The following DGKB variants were observed in gnomAD, a reference collection of about 807,000 sequenced individuals.
DGKB encodes diacylglycerol kinase beta, also known as 90 kDa diacylglycerol kinase.
In DGKB, 67 loss-of-function variants were observed where a neutral mutation model predicts 114.3. The ratio of observed to expected loss-of-function variants is 0.59; its 90% CI spans 0.48 to 0.72. DGKB has a LOEUF of 0.72. Ranked by LOEUF, DGKB falls within the 30% of genes least tolerant of loss-of-function variation. DGKB has a pLI of 0.00. For missense variants in DGKB, 907 were observed against 975.2 expected (o/e 0.93, Z 0.93); for synonymous variants, 398 against 323.1 (o/e 1.23, Z -2.49).
intron 21 of DGKB, among the ~76,000 whole-genome samples, chr7:14,347,649 A>T (rs551037822): frequency 4.1e-4 from 63 of 152,016 alleles, no homozygotes; most frequent in Non-Finnish European, 8.1e-4. Flanking sequence ...TGGTCAAAGG[A>T]TGCAAACTTA....
intron 14 of DGKB, among the ~76,000 whole-genome samples, chr7:14,622,024 C>A (rs865822151): frequency 1.3e-5 from 2 of 151,968 alleles, no homozygotes; most frequent in African/African-American, 4.8e-5. Context: ...TAGGAGTTGC[C>A]TGCTCCCTGT....
chr7:14,700,086 G>A (rs1223710685), intron 7 of DGKB, among the ~76,000 whole-genome samples: 1 of 151,828 alleles, frequency 6.6e-6, no homozygotes, highest in Non-Finnish European at 1.5e-5. Flanking sequence ...AAAGTATCTA[G>A]AAGAAATTAA....
chr7:14,973,896 T>C (rs1483888825), intron 1 of DGKB, among the ~76,000 whole-genome samples: 2 of 148,444 alleles, frequency 1.3e-5, no homozygotes, highest in African/African-American at 4.9e-5. Flanking sequence ...TTTATAAATA[T>C]TTAAAATAAA....
chr7:14,905,033 G>A (rs1170379590), upstream of DGKB, among the ~76,000 whole-genome samples: 1 of 151,914 alleles, frequency 6.6e-6, no homozygotes, highest in Admixed American at 6.6e-5. Flanking sequence ...GATCTTTTTG[G>A]TTATTGTTTT....
chr7:14,641,551 A>AT (rs1343858167), intron 13 of DGKB, among the ~76,000 whole-genome samples: 28 of 150,428 alleles, frequency 1.9e-4, no homozygotes, highest in African/African-American at 5.6e-4. Context: ...TTCATGTTTG[A>AT]TTTTTTTGTA....
chr7:14,652,598 T>A (rs1585368407), intron 13 of DGKB, among the ~76,000 whole-genome samples: 1 of 151,386 alleles, frequency 6.6e-6, no homozygotes, highest in South Asian at 2.1e-4. Flanking sequence ...GGGCAAGGAC[T>A]TCCTGTCTAA....
intron 25 of DGKB, among the ~76,000 whole-genome samples, chr7:14,170,134 C>CA (rs762339951): frequency 0.016 from 521 of 33,070 alleles, 32 homozygotes; most frequent in East Asian, 0.11. Flanking sequence ...AACTCCATCT[C>CA]AAAAAAAAAA....
intron 20 of DGKB, among the ~76,000 whole-genome samples, chr7:14,570,385 A>T (rs1798201952): frequency 6.6e-6 from 1 of 151,682 alleles, no homozygotes; most frequent in African/African-American, 2.4e-5. Context: ...GACTTTTTGT[A>T]TTTAAATACA....
intron 20 of DGKB, among the ~76,000 whole-genome samples, chr7:14,567,214 T>A (rs1352559522): frequency 2.8e-5 from 2 of 71,640 alleles, no homozygotes; most frequent in Non-Finnish European, 4.7e-5. Context: ...ATATTATATA[T>A]TTATATATAA....
intron 2 of DGKB, among the ~76,000 whole-genome samples, chr7:14,811,764 A>AAT (rs1843467699): frequency 6.6e-6 from 1 of 151,902 alleles, no homozygotes; most frequent in Non-Finnish European, 1.5e-5. Flanking sequence ...GAGGTAAGTA[A>AAT]ATATATATAT....
chr7:14,806,742 C>G (rs1842833129), intron 2 of DGKB, among the ~76,000 whole-genome samples: 1 of 151,964 alleles, frequency 6.6e-6, no homozygotes. Context: ...AAGCTGCCCT[C>G]CTTTTCCTGA....
At chr7:14,643,080 A>C (rs6947430) in intron 13 of DGKB, among the ~76,000 whole-genome samples, 83,289 of 152,062 alleles carry the variant, frequency 0.55, 24,712 homozygotes, top group Admixed American at 0.69. Flanking sequence ...GGAGCATCTA[A>C]GGGAGAACAC....
chr7:14,624,285 G>A (rs984294551), intron 14 of DGKB, among the ~76,000 whole-genome samples: 5 of 152,068 alleles, frequency 3.3e-5, no homozygotes, highest in African/African-American at 1.2e-4. Flanking sequence ...ATAAAACATG[G>A]CATCAATATT....
intron 2 of DGKB, among the ~76,000 whole-genome samples, chr7:14,800,252 T>C (rs1271723163): frequency 1.3e-5 from 2 of 152,218 alleles, no homozygotes; most frequent in Non-Finnish European, 2.9e-5. Context: ...GTCCTGCTAC[T>C]AGGCCCCAGT....
At chr7:14,872,250 G>T (rs1852581275) in intron 1 of DGKB, among the ~76,000 whole-genome samples, 1 of 152,060 alleles carries the variant, frequency 6.6e-6, no homozygotes, top group South Asian at 2.1e-4. Context: ...AAATAAGAGC[G>T]GCAGAACAGG....
chr7:14,764,419 G>T (rs1038415973), intron 2 of DGKB, among the ~76,000 whole-genome samples: 2 of 151,882 alleles, frequency 1.3e-5, no homozygotes, highest in Non-Finnish European at 2.9e-5. Context: ...TAAAAGTAGT[G>T]AAATAGTGCT....
intron 23 of DGKB, among the ~76,000 whole-genome samples, chr7:14,186,174 A>C (rs113924057): frequency 0.022 from 3,283 of 152,326 alleles, 97 homozygotes; most frequent in African/African-American, 0.068. Flanking sequence ...ATTGGTAAGA[A>C]AAAATCAATC....
rs60627924 is a variant in DGKB at position 14,506,178 on chromosome 7, T to C, written c.1771-27953A>G. 4.1e-3 allele frequency among the ~76,000 whole-genome samples: 623 copies of C among 152,252 alleles called. 3 individuals carry two copies. Among genetic ancestry groups the C allele is most frequent in the African/African-American group, 0.014 (592 of 41,544 alleles). Reference sequence around the variant, plus strand: ...TTCCTGGTAACTCAGAATAAAGATTTTGGCAAAATTTTCTGATTAGAGTAT... The same window carrying C: ...TTCCTGGTAACTCAGAATAAAGATTCTGGCAAAATTTTCTGATTAGAGTAT... On this transcript the variant is annotated intron_variant, in intron 20 of 25. Coordinates refer to ENST00000402815, the MANE Select transcript of DGKB (RefSeq NM_001350709.2).
intron 1 of DGKB, among the ~76,000 whole-genome samples, chr7:14,920,736 A>C (rs938072782): frequency 2.6e-5 from 4 of 152,198 alleles, no homozygotes; most frequent in Non-Finnish European, 5.9e-5. Flanking sequence ...CAAAAAACTG[A>C]AAGCAACCAA....
Sources: allele counts gnomAD v4.1 joint callset (sites outside exome capture counted in the v4.1 genomes callset), GRCh38; gene constraint gnomAD v4.1.1; transcripts MANE v1.5; gene names NCBI Gene and HGNC (gene_info 2026-07-23, HGNC 2026-07-21).